The following CTNNA3 variants were observed in gnomAD, a reference collection of about 807,000 sequenced individuals.
The protein encoded by CTNNA3 is catenin alpha 3, also known as catenin alpha-3.
Under a neutral mutation model 95.7 loss-of-function variants are expected in CTNNA3, and 76 were observed. That is an observed-to-expected ratio of 0.79 (90% CI 0.66 to 0.96). The LOEUF (loss-of-function observed/expected upper bound fraction) is 0.96, where lower values mean the gene tolerates loss of function less well. Ranked by LOEUF, CTNNA3 falls within the 40% of genes least tolerant of loss-of-function variation. The pLI is 0.00. For missense variants in CTNNA3, 1,191 were observed against 1,089.8 expected (o/e 1.09, Z -1.31); for synonymous variants, 431 against 374.4 (o/e 1.15, Z -1.74).
At chr10:67,183,691 A>T (rs1395262763) in intron 6 of CTNNA3, among the ~76,000 whole-genome samples, 2 of 152,094 alleles carry the variant, frequency 1.3e-5, no homozygotes, top group Non-Finnish European at 2.9e-5. Context: ...AAGTATAATT[A>T]AAAAATAAAT....
intron 7 of CTNNA3, among the ~76,000 whole-genome samples, chr10:66,880,405 A>C (rs769948492): frequency 1.3e-5 from 2 of 152,126 alleles, no homozygotes; most frequent in Admixed American, 6.6e-5. Context: ...TGGAGAGCTG[A>C]TGGACAGGCA....
intron 5 of CTNNA3, among the ~76,000 whole-genome samples, chr10:67,335,885 T>C (rs1841977166): frequency 6.6e-6 from 1 of 151,090 alleles, no homozygotes; most frequent in African/African-American, 2.5e-5. Flanking sequence ...TCACAAATAG[T>C]GTTTTTTTTT....
At chr10:66,414,397 C>T (rs2093130195) in intron 11 of CTNNA3, among the ~76,000 whole-genome samples, 1 of 152,130 alleles carries the variant, frequency 6.6e-6, no homozygotes, top group Admixed American at 6.5e-5. Flanking sequence ...CCTGGATTGA[C>T]TGAGAGCCTA....
chr10:67,384,707 C>T (rs887744431), intron 5 of CTNNA3, among the ~76,000 whole-genome samples: 5 of 152,104 alleles, frequency 3.3e-5, no homozygotes, highest in African/African-American at 1.2e-4. Flanking sequence ...GGAACAAATA[C>T]AGGAAGCTCG....
intron 3 of CTNNA3, among the ~76,000 whole-genome samples, chr10:67,549,609 T>C (rs1840955581): frequency 6.6e-6 from 1 of 152,232 alleles, no homozygotes; most frequent in South Asian, 2.1e-4. Context: ...TTAGTTCCTT[T>C]ACTTCAGACA....
At chr10:67,554,144 T>C (rs1447755088) in intron 3 of CTNNA3, among the ~76,000 whole-genome samples, 1 of 152,252 alleles carries the variant, frequency 6.6e-6, no homozygotes, top group Admixed American at 6.5e-5. Context: ...CACATTTTCT[T>C]AATCCAGTCT....
At chr10:66,962,837 T>C (rs1849194435) in intron 7 of CTNNA3, among the ~76,000 whole-genome samples, 1 of 152,254 alleles carries the variant, frequency 6.6e-6, no homozygotes, top group African/African-American at 2.4e-5. Flanking sequence ...CACCATATAA[T>C]ATAGTACTTA....
chr10:66,488,832 G>A (rs1839824916), intron 11 of CTNNA3, among the ~76,000 whole-genome samples: 1 of 151,738 alleles, frequency 6.6e-6, no homozygotes, highest in Non-Finnish European at 1.5e-5. Flanking sequence ...CAAGGTAGGG[G>A]AAAGATAAAA....
At chr10:67,571,595 T>C (rs1420187588) in intron 3 of CTNNA3, among the ~76,000 whole-genome samples, 1 of 152,182 alleles carries the variant, frequency 6.6e-6, no homozygotes, top group Non-Finnish European at 1.5e-5. Context: ...TGCGAGTAGA[T>C]TATAATAGAC....
At chr10:66,459,767 A>T (rs2093516411) in intron 11 of CTNNA3, among the ~76,000 whole-genome samples, 1 of 152,218 alleles carries the variant, frequency 6.6e-6, no homozygotes, top group African/African-American at 2.4e-5. Flanking sequence ...GCATTTAAAC[A>T]TATGAAAACA....
chr10:66,765,052 AAAG>A (rs1272932769), intron 9 of CTNNA3, among the ~76,000 whole-genome samples: 5 of 152,194 alleles, frequency 3.3e-5, no homozygotes, highest in African/African-American at 9.7e-5. Context: ...TGGGAAATTC[AAAG>A]AAGATTTCAA....
At chr10:66,359,490 G>C (rs1217893221) in intron 12 of CTNNA3, among the ~76,000 whole-genome samples, 1 of 152,128 alleles carries the variant, frequency 6.6e-6, no homozygotes, top group African/African-American at 2.4e-5. Context: ...TTATGTTATA[G>C]AGATAATTAA....
At chr10:67,273,820 G>A (rs1363215578) in intron 5 of CTNNA3, among the ~76,000 whole-genome samples, 2 of 152,146 alleles carry the variant, frequency 1.3e-5, no homozygotes, top group Non-Finnish European at 2.9e-5. Flanking sequence ...AAAACAGAAT[G>A]CACTGTGTGA....
intron 7 of CTNNA3, among the ~76,000 whole-genome samples, chr10:67,094,030 G>A (rs1012886459): frequency 4.0e-5 from 6 of 151,852 alleles, no homozygotes; most frequent in Non-Finnish European, 7.4e-5. Context: ...CTTCCTACTC[G>A]AATTAACTTA....
At chr10:67,181,884 T>G (rs889322772) in intron 6 of CTNNA3, among the ~76,000 whole-genome samples, 1 of 152,126 alleles carries the variant, frequency 6.6e-6, no homozygotes, top group Non-Finnish European at 1.5e-5. Context: ...CTATAAAATG[T>G]GAGGGGTTTT....
At chr10:66,413,529 T>C (rs1033052462) in intron 11 of CTNNA3, among the ~76,000 whole-genome samples, 1 of 152,254 alleles carries the variant, frequency 6.6e-6, no homozygotes, top group African/African-American at 2.4e-5. Context: ...GCTCTCTTAA[T>C]ATTTTGTCAC....
At chr10:66,231,371 AT>A (rs762594281) in intron 13 of CTNNA3, among the ~76,000 whole-genome samples, 1 of 152,192 alleles carries the variant, frequency 6.6e-6, no homozygotes, top group African/African-American at 2.4e-5. Flanking sequence ...AGAAAAAAAA[AT>A]CATAAGATTT....
intron 3 of CTNNA3, among the ~76,000 whole-genome samples, chr10:67,564,717 A>ATATATC (rs1841693152): frequency 4.8e-5 from 4 of 83,596 alleles, no homozygotes; most frequent in Non-Finnish European, 7.4e-5. Flanking sequence ...ATATATATAT[A>ATATATC]TCACTATGAT....
At chr10:67,747,668 A>C (rs1429978879) in intron 1 of CTNNA3, among the ~76,000 whole-genome samples, 1 of 152,220 alleles carries the variant, frequency 6.6e-6, no homozygotes, top group Non-Finnish European at 1.5e-5. Flanking sequence ...CAACGAAAAA[A>C]CGCTAAAAAC....
Sources: allele counts gnomAD v4.1 joint callset (sites outside exome capture counted in the v4.1 genomes callset), GRCh38; gene constraint gnomAD v4.1.1; transcripts MANE v1.5; gene names NCBI Gene and HGNC (gene_info 2026-07-23, HGNC 2026-07-21).